The following CROCC variants were observed in gnomAD, a reference collection of about 807,000 sequenced individuals.
CROCC encodes the protein rootletin.
A neutral mutation model predicts 245.2 loss-of-function variants in CROCC; 180 were observed. The ratio of observed to expected loss-of-function variants is 0.73; its 90% CI spans 0.65 to 0.83. The LOEUF is 0.83. Among genes scored for constraint, CROCC ranks in the 40% least tolerant of loss-of-function variants. CROCC has a pLI of 0.00. For synonymous variants in CROCC, 1,205 were observed against 1,241.6 expected, an observed-to-expected ratio of 0.97 and a Z score of 0.62; for missense variants, 2,688 against 2,779.4, an observed-to-expected ratio of 0.97 and a Z score of 0.74.
chr1:16,942,954 A>C (rs2075963901), intron 13 of CROCC, among the ~76,000 whole-genome samples: 1 of 152,256 alleles, frequency 6.6e-6, no homozygotes, highest in African/African-American at 2.4e-5. Flanking sequence ...AAAAATAAAA[A>C]AAAATTGGCC....
At chr1:16,947,036 C>A (rs1419420417) in intron 17 of CROCC, 45 bp downstream of exon 17, 1 of 1,492,878 alleles carries the variant, frequency 6.7e-7, no homozygotes, top group Admixed American at 2.0e-5. Flanking sequence ...GCATGTGGGG[C>A]AGGCCGGGCT....
At chr1:16,946,013 T>C (rs1275238865) in intron 15 of CROCC, among the ~76,000 whole-genome samples, 4 of 152,280 alleles carry the variant, frequency 2.6e-5, no homozygotes, top group African/African-American at 9.6e-5. Flanking sequence ...CAGGGGATCC[T>C]CTGAACTCTG....
At chr1:16,963,990 G>T (rs1382521664) in intron 27 of CROCC, among the ~76,000 whole-genome samples, 1 of 151,978 alleles carries the variant, frequency 6.6e-6, no homozygotes, top group South Asian at 2.1e-4. Context: ...AGAGATGGGG[G>T]TTTCACCATG....
chr1:16,969,278 G>C lies in CROCC; in HGVS notation c.5239G>C (p.Asp1747His), dbSNP rs1316983574. 6.2e-7 allele frequency: 1 copy of C among 1,613,116 alleles called. No individual in the cohort carries two copies. The highest frequency in any genetic ancestry group is 1.3e-5 in the African/African-American group (1 of 74,922). The change falls in exon 32 of 37, where the codon GAC becomes CAC. Residue 1747 changes from aspartate to histidine, a missense_variant. Around this residue, in one of 9 missense-constraint regions of CROCC, gnomAD observed 1,218 missense variants for 1,286.3 expected, o/e 0.95. Transcript: ENST00000375541. ...CAGTGCCAGCCTCAACAGCACCCGGGACAAGAACCTGCATCTGCAGAAGGC... is the reference window on the plus strand; with the variant it reads ...CAGTGCCAGCCTCAACAGCACCCGGCACAAGAACCTGCATCTGCAGAAGGC... ...QSSASLNSTR[D>H]KNLHLQKALT...
intron 3 of CROCC, among the ~76,000 whole-genome samples, chr1:16,929,058 T>G (rs1237292571): frequency 1.3e-5 from 2 of 152,230 alleles, no homozygotes; most frequent in African/African-American, 4.8e-5. Context: ...AACCCCTGAC[T>G]TCAAGTGATC....
rs1388056825 is a variant in CROCC, at chr1:16,954,804, A to T, written c.3392A>T (p.His1131Leu). 5 of 1,552,650 alleles carry T rather than the reference A, an allele frequency of 3.2e-6. No homozygotes were observed. The highest frequency in any genetic ancestry group is 8.7e-7 in the Non-Finnish European group (1 of 1,148,188). ...CAGCGGGAGGAGGCTGCTGCGGCCCACGCCCAGGAGGTGAGGAGGCTGCAA... is the reference window on the plus strand; with the variant it reads ...CAGCGGGAGGAGGCTGCTGCGGCCCTCGCCCAGGAGGTGAGGAGGCTGCAA... ...RAQREEAAAA[H>L]AQEVRRLQEQ... The change falls in exon 23 of 37, where the codon CAC becomes CTC. Residue 1131 changes from histidine (H) to leucine (L), a missense_variant. His to Leu is a moderately conservative substitution (Grantham distance 99). This residue lies in a region of CROCC where 1,218 missense variants were observed against 1,286.3 expected (regional missense o/e 0.95). Coordinates refer to ENST00000375541, the MANE Select transcript of CROCC (RefSeq NM_014675.5). This position sits in a 1 kb window ranked among gnomAD's most constrained non-coding sequence, Gnocchi z 4.4.
upstream of CROCC, among the ~76,000 whole-genome samples, chr1:16,916,979 G>A (rs1473521868): frequency 2.0e-5 from 3 of 152,294 alleles, no homozygotes; most frequent in African/African-American, 4.8e-5. Context: ...TAAGCTGGGC[G>A]CGGTGGCGCA....
rs766102968 is a variant in CROCC, at chr1:16,922,799, G to A, written c.196+1G>A. 2.0e-5 allele frequency: 32 copies of A among 1,611,292 alleles called. No homozygotes were observed. The highest frequency in any genetic ancestry group is 1.6e-4 in the East Asian group (7 of 44,882). On this transcript the variant is annotated splice_donor_variant, in intron 2 of 36. Coordinates refer to ENST00000375541, the MANE Select transcript of CROCC (RefSeq NM_014675.5). LOFTEE classifies it high-confidence loss of function. Reference sequence around the variant, plus strand: ...AACCTCTCCCAGCCTGAGAGCCCAGGTGCCACCCCCATCCGCTCCCCTCCA... The same window carrying A: ...AACCTCTCCCAGCCTGAGAGCCCAGATGCCACCCCCATCCGCTCCCCTCCA...
At chr1:16,937,847 A>T (rs1173257236) in intron 10 of CROCC, 110 bp downstream of exon 10, 2 of 951,872 alleles carry the variant, frequency 2.1e-6, no homozygotes, top group African/African-American at 3.2e-5. Context: ...CGTCCCACTC[A>T]CACTCAGGTT....
intron 13 of CROCC, among the ~76,000 whole-genome samples, chr1:16,942,615 G>T (rs1044290362): frequency 9.2e-5 from 14 of 152,244 alleles, no homozygotes; most frequent in Non-Finnish European, 1.6e-4. Flanking sequence ...ATGCAATTCG[G>T]AACTCTGTTG....
At position 16,947,670 on chromosome 1, in the gene CROCC, G is replaced by A. The variant is rs200729906; in HGVS notation, c.2515-661G>A. ...GGGGCCTCTAGAGGATGGGGTAGGG[G>A]GTGCAGGAAGCAGGGTGCAGGTCTC... On this transcript the variant is annotated intron_variant, in intron 17 of 36. Coordinates refer to ENST00000375541, the MANE Select transcript of CROCC (RefSeq NM_014675.5). Among the ~76,000 whole-genome samples the A allele has an allele frequency of 1.5e-4, 23 of 152,274 alleles. No individual in the cohort carries two copies. The South Asian group carries it at 1.9e-3, about 12-fold the overall frequency.
Position 16,970,639 on chromosome 1 carries a change from G to T in CROCC, c.5656G>T (p.Glu1886Ter). 1 of 1,547,666 alleles carries T rather than the reference G, an allele frequency of 6.5e-7. No individual in the cohort carries two copies. The highest frequency in any genetic ancestry group is 8.7e-7 in the Non-Finnish European group (1 of 1,145,728). Reference protein sequence around the residue: ...VALRRTLDKVEREKLRSHEDT... With the variant: ...VALRRTLDKV ...CTCCTGTGGCTCTCCTGCCTAGGTG[G>T]AGCGGGAGAAGCTTCGTAGCCATGA... Residue 1886 changes from glutamate to a stop codon, truncating the protein, a stop_gained, in exon 35 of 37, where the codon GAG becomes TAG. Coordinates refer to ENST00000375541, the MANE Select transcript of CROCC (RefSeq NM_014675.5). LOFTEE classifies it high-confidence loss of function.
At chr1:16,940,667 C>T in intron 13 of CROCC, 1 of 240,476 alleles carries the variant, frequency 4.2e-6, no homozygotes, top group South Asian at 4.4e-5. Flanking sequence ...GGATTACAGG[C>T]ATGAGCCACC....
Position 16,944,107 on chromosome 1 carries a change from A to G in CROCC, c.1816A>G (p.Ser606Gly). 6.4e-7 allele frequency: 1 copy of G among 1,553,548 alleles called. No homozygotes were observed. Among genetic ancestry groups the G allele is most frequent in the Non-Finnish European group, 8.7e-7 (1 of 1,147,732 alleles). The change falls in exon 14 of 37, where the codon AGC becomes GGC. Residue 606 changes from serine (S) to glycine (G), a missense_variant. Physicochemically the swap from Ser to Gly is moderately conservative, Grantham distance 56. Around this residue, in one of 9 missense-constraint regions of CROCC, gnomAD observed 972 missense variants for 895.3 expected, o/e 1.09. Coordinates refer to ENST00000375541, the MANE Select transcript of CROCC (RefSeq NM_014675.5). The part of the protein sequence containing the change: ...SANELLSREK[S>G]NLAHSLQVAQ... ...CCTCCCCTTGTCCTGAAGGGAGAAGAGCAACCTGGCCCACAGCCTGCAGGT... is the reference window on the plus strand; with the variant it reads ...CCTCCCCTTGTCCTGAAGGGAGAAGGGCAACCTGGCCCACAGCCTGCAGGT...
chr1:16,952,985 C>T, intron 20 of CROCC: 1 of 319,102 alleles, frequency 3.1e-6, no homozygotes, highest in East Asian at 6.1e-5. Context: ...CCCCTCTGCA[C>T]CCTGCATCCT....
At chr1:16,958,172 T>C (rs1159286243) in intron 25 of CROCC, among the ~76,000 whole-genome samples, 2 of 152,194 alleles carry the variant, frequency 1.3e-5, no homozygotes, top group Non-Finnish European at 2.9e-5. Flanking sequence ...TATAGCATTG[T>C]ACCAAGATTA....
chr1:16,939,970 A>C lies in CROCC; in HGVS notation c.1685A>C (p.Glu562Ala), dbSNP rs1202976503. 6.2e-7 allele frequency: 1 copy of C among 1,612,526 alleles called. No individual in the cohort carries two copies. The highest frequency in any genetic ancestry group is 1.3e-5 in the African/African-American group (1 of 74,932). The change falls in exon 13 of 37, where the codon GAG (glutamate) becomes GCG (alanine). Residue 562 changes from glutamate to alanine, a missense_variant. Coordinates refer to ENST00000375541, the MANE Select transcript of CROCC (RefSeq NM_014675.5). ...LRKQLSDSES[E>A]RRALEEQLQR... ...AAGCAGCTTAGCGACAGCGAGAGCG[A>C]GCGGCGGGCCCTAGAGGAACAGCTG...
intron 25 of CROCC, among the ~76,000 whole-genome samples, chr1:16,957,255 A>G (rs1259736553): frequency 2.6e-5 from 4 of 152,084 alleles, no homozygotes; most frequent in Non-Finnish European, 5.9e-5. Flanking sequence ...AAAAATTTAA[A>G]AAATAGCTAG....
rs200228265 is a variant in CROCC at position 16,936,782 on chromosome 1, G to A, written c.1102G>A (p.Glu368Lys). The A allele has an allele frequency of 5.0e-4, 804 of 1,611,690 alleles. No individual in the cohort carries two copies. In the East Asian group the frequency reaches 0.016, roughly 32 times the overall value. Residue 368 changes from glutamate (E) to lysine (K), a missense_variant, in exon 9 of 37, where the codon GAG (glutamate) becomes AAG (lysine). Transcript: ENST00000375541. ...EKQALLQAQL[E>K]EQLRDKVLRE... Reference sequence around the variant, plus strand: ...ACAGGCCCTGCTGCAGGCCCAGCTGGAGGAGCAGCTGCGGGACAAGGTGCT... The same window carrying A: ...ACAGGCCCTGCTGCAGGCCCAGCTGAAGGAGCAGCTGCGGGACAAGGTGCT...
Sources: allele counts gnomAD v4.1 joint callset (sites outside exome capture counted in the v4.1 genomes callset), GRCh38; gene constraint gnomAD v4.1.1; regional missense constraint gnomAD v4.1.1; non-coding constraint Gnocchi (gnomAD v3.1); transcripts MANE v1.5; gene names NCBI Gene and HGNC (gene_info 2026-07-23, HGNC 2026-07-21).